The following SSH2 variants were observed in gnomAD, a reference collection of about 807,000 sequenced individuals.
SSH2 encodes the protein slingshot protein phosphatase 2.
Under a neutral mutation model 135.2 loss-of-function variants are expected in SSH2, and 37 were observed. That is an observed-to-expected ratio of 0.27 (90% CI 0.21 to 0.36). SSH2 has a LOEUF of 0.36. Among genes scored for constraint, SSH2 ranks in the 10% least tolerant of loss-of-function variants. SSH2 has a pLI of 1.00. For missense variants in SSH2, 1,408 were observed against 1,765.3 expected (o/e 0.80, Z 3.63); for synonymous variants, 628 against 646.2 (o/e 0.97, Z 0.43).
chr17:29,831,726 C>T (rs1378593776), intron 2 of SSH2, among the ~76,000 whole-genome samples: 1 of 148,996 alleles, frequency 6.7e-6, no homozygotes, highest in East Asian at 2.0e-4. Context: ...CATGTGCCAC[C>T]ACGCCCAGCT....
rs147799123 is a variant in SSH2 at position 29,631,260 on chromosome 17, G to C, written c.3934C>G (p.His1312Asp). ...AGGAAAGGCTGAAGCAGTTTGAGAT[G>C]AGGGGATTCACAGGAGGCAGGCTCC... ...EREPASCESP[H>D]LKLLQPFLRT... The change falls in exon 16 of 16, where the codon CAT (histidine) becomes GAT (aspartate). Residue 1312 changes from histidine to aspartate, a missense_variant. His to Asp is a moderately conservative substitution (Grantham distance 81). Coordinates refer to ENST00000540801, the MANE Select transcript of SSH2 (RefSeq NM_001282129.2). 255 of 1,614,074 alleles carry C rather than the reference G, an allele frequency of 1.6e-4. No individual in the cohort carries two copies. In the African/African-American group the frequency reaches 2.6e-3, roughly 17 times the overall value.
At chr17:29,767,925 A>C (rs1358557409) in intron 3 of SSH2, among the ~76,000 whole-genome samples, 1 of 152,178 alleles carries the variant, frequency 6.6e-6, no homozygotes, top group Non-Finnish European at 1.5e-5. Flanking sequence ...TTGTGCATAC[A>C]TGTGAATATA....
chr17:29,733,758 C>A (rs72823962), intron 3 of SSH2, among the ~76,000 whole-genome samples: 7 of 152,144 alleles, frequency 4.6e-5, no homozygotes, highest in Non-Finnish European at 1.0e-4. Flanking sequence ...TTTGAAAAAT[C>A]TCATCTTGTT....
At chr17:29,927,040 T>C (rs2151492933) in intron 1 of SSH2, among the ~76,000 whole-genome samples, 1 of 152,302 alleles carries the variant, frequency 6.6e-6, no homozygotes, top group East Asian at 1.9e-4. Context: ...CTCAGCTTCA[T>C]CTTTAAGATG....
chr17:29,741,138 A>G (rs889447629), intron 3 of SSH2, among the ~76,000 whole-genome samples: 1 of 152,242 alleles, frequency 6.6e-6, no homozygotes, highest in African/African-American at 2.4e-5. Context: ...GTAAGAATCA[A>G]TTTTTCTGGG....
intron 3 of SSH2, chr17:29,716,470 G>GC (rs1295521489): frequency 1.5e-4 from 103 of 695,526 alleles, no homozygotes; most frequent in Non-Finnish European, 2.4e-4. Flanking sequence ...GTACAACAAT[G>GC]CCAGCAGCAT....
chr17:29,718,694 C>T (rs951757191), intron 3 of SSH2, among the ~76,000 whole-genome samples: 4 of 126,738 alleles, frequency 3.2e-5, no homozygotes, highest in Non-Finnish European at 3.1e-5. Flanking sequence ...GATCGTGCCA[C>T]TGCACTCTAG....
At chr17:29,710,928 A>G (rs368500468) in intron 3 of SSH2, among the ~76,000 whole-genome samples, 1 of 152,200 alleles carries the variant, frequency 6.6e-6, no homozygotes, top group South Asian at 2.1e-4. Context: ...GTAATTAGAC[A>G]TTCCCGCCCT....
chr17:29,657,783 C>T (rs972939364), intron 11 of SSH2, among the ~76,000 whole-genome samples: 2 of 151,836 alleles, frequency 1.3e-5, no homozygotes, highest in Non-Finnish European at 2.9e-5. Flanking sequence ...CTATGTTGCC[C>T]AGGCTGGTCT....
At chr17:29,801,085 A>G (rs1036999839) in intron 2 of SSH2, among the ~76,000 whole-genome samples, 13 of 151,950 alleles carry the variant, frequency 8.6e-5, no homozygotes, top group South Asian at 2.1e-4. Context: ...GGCTGGTCTC[A>G]AACTCCTGAC....
intron 5 of SSH2, among the ~76,000 whole-genome samples, chr17:29,685,328 T>C (rs1233157065): frequency 6.6e-6 from 1 of 152,224 alleles, no homozygotes; most frequent in Non-Finnish European, 1.5e-5. Context: ...ATTAAGGATT[T>C]ACTGTTAATG....
At position 29,802,960 on chromosome 17, in the gene SSH2, A is replaced by G. The variant is rs2042276953; in HGVS notation, c.145-9023T>C. 3.3e-5 allele frequency among the ~76,000 whole-genome samples: 5 copies of G among 152,342 alleles called. No homozygotes were observed. In the South Asian group the frequency reaches 1.0e-3, roughly 32 times the overall value. ...AGTAGGAGGTATCTATCAGACAGGA[A>G]AAAGGAATCTAGTAGTCTTTCTAAG... On this transcript the variant is annotated intron_variant, in intron 2 of 15. Coordinates refer to ENST00000540801, the MANE Select transcript of SSH2 (RefSeq NM_001282129.2).
intron 3 of SSH2, among the ~76,000 whole-genome samples, chr17:29,736,612 C>T (rs1484425216): frequency 6.7e-6 from 1 of 150,164 alleles, no homozygotes; most frequent in African/African-American, 2.5e-5. Flanking sequence ...ATGGTGAAAC[C>T]CTGTCTCTAC....
At chr17:29,914,362 C>G (rs541085223) in intron 1 of SSH2, among the ~76,000 whole-genome samples, 15 of 151,908 alleles carry the variant, frequency 9.9e-5, no homozygotes, top group African/African-American at 3.4e-4. Flanking sequence ...GAGTTTGAGA[C>G]CAACCTGGGC....
At chr17:29,656,581 A>C (rs905467979) in intron 11 of SSH2, among the ~76,000 whole-genome samples, 1 of 152,226 alleles carries the variant, frequency 6.6e-6, no homozygotes, top group African/African-American at 2.4e-5. Context: ...CAAACAAATG[A>C]GGGAAACATT....
chr17:29,707,698 G>A (rs1243339261), intron 3 of SSH2, among the ~76,000 whole-genome samples: 1 of 151,914 alleles, frequency 6.6e-6, no homozygotes, highest in East Asian at 1.9e-4. Context: ...GCTAATTTTT[G>A]TATTTTTAGT....
intron 1 of SSH2, among the ~76,000 whole-genome samples, chr17:29,885,348 T>TAA (rs72403205): frequency 2.6e-4 from 33 of 127,086 alleles, no homozygotes; most frequent in African/African-American, 3.3e-4. Flanking sequence ...TATTGTATCA[T>TAA]AAAAAAAAAA....
chr17:29,761,450 G>T, intron 3 of SSH2: 1 of 997,024 alleles, frequency 1.0e-6, no homozygotes, highest in South Asian at 4.3e-5. Flanking sequence ...GTCGCCAGCA[G>T]TTCGCCCCCA....
intron 1 of SSH2, among the ~76,000 whole-genome samples, chr17:29,849,923 G>T (rs2065522899): frequency 6.8e-6 from 1 of 146,566 alleles, no homozygotes; most frequent in African/African-American, 2.5e-5. Flanking sequence ...CCAGCTACTA[G>T]GGAGGCTGAG....
Sources: gnomAD v4.1 joint callset for allele counts (sites outside exome capture counted in the v4.1 genomes callset) on GRCh38, gnomAD v4.1.1 for gene constraint, MANE v1.5 for transcripts, NCBI Gene and HGNC (gene_info 2026-07-23, HGNC 2026-07-21) for gene names.